GFRA1: variants seen among roughly 807,000 people sequenced by gnomAD.
The protein encoded by GFRA1 is GDNF family receptor alpha-1.
In GFRA1, 16 loss-of-function variants were observed where a neutral mutation model predicts 51.6. That is an observed-to-expected ratio of 0.31 (90% confidence interval 0.21 to 0.47). The LOEUF is 0.47. Among genes scored for constraint, GFRA1 ranks in the 20% least tolerant of loss-of-function variants. The probability of loss-of-function intolerance (pLI) is 1.00; values close to 1 mark genes in which losing one functional copy is unlikely to be tolerated. For synonymous variants in GFRA1, 270 were observed against 241.3 expected, an observed-to-expected ratio of 1.12 and a Z score of -1.10; for missense variants, 530 against 594.3, an observed-to-expected ratio of 0.89 and a Z score of 1.13.
chr10:116,221,116 T>G (rs1965894177), intron 4 of GFRA1, among the ~76,000 whole-genome samples: 1 of 152,168 alleles, frequency 6.6e-6, no homozygotes, highest in Non-Finnish European at 1.5e-5. Flanking sequence ...CAGGCACTAT[T>G]TTAAATACTT....
At position 116,090,634 on chromosome 10, in the gene GFRA1, T is replaced by C. The variant is rs1956295117; in HGVS notation, c.1016-712A>G. Among the ~76,000 whole-genome samples the C allele has an allele frequency of 2.6e-5, 4 of 152,262 alleles. No individual in the cohort carries two copies. The South Asian group carries it at 8.3e-4, about 32-fold the overall frequency. ...ATTTCATAGGATTAGATTGTTTTTA[T>C]GGCAAGATTAAATTGGTTGTGTGTT... On this transcript the variant is annotated intron_variant, in intron 8 of 10. Coordinates refer to ENST00000355422, the MANE Select transcript of GFRA1 (RefSeq NM_005264.8).
chr10:116,174,489 G>C (rs1293717339), intron 5 of GFRA1, among the ~76,000 whole-genome samples: 1 of 152,176 alleles, frequency 6.6e-6, no homozygotes, highest in Non-Finnish European at 1.5e-5. Context: ...AGACTTCAAT[G>C]TGTTGTTAGG....
At chr10:116,231,707 A>C (rs555441031) in intron 4 of GFRA1, among the ~76,000 whole-genome samples, 40 of 152,266 alleles carry the variant, frequency 2.6e-4, no homozygotes, top group Admixed American at 5.2e-4. Context: ...CCTTTTCCGG[A>C]TTCACCTGCT....
intron 5 of GFRA1, among the ~76,000 whole-genome samples, chr10:116,126,352 G>C (rs532751502): frequency 4.6e-4 from 70 of 152,252 alleles, no homozygotes; most frequent in Non-Finnish European, 7.1e-4. Context: ...CACCAGGGAA[G>C]CCAGTGCTGT....
chr10:116,072,272 C>T (rs144252611), intron 9 of GFRA1, among the ~76,000 whole-genome samples: 1 of 152,046 alleles, frequency 6.6e-6, no homozygotes, highest in African/African-American at 2.4e-5. Flanking sequence ...GAGTGAGGGG[C>T]ACTTGTGGGT....
chr10:116,121,699 A>C (rs189629285), intron 6 of GFRA1, among the ~76,000 whole-genome samples: 46 of 152,338 alleles, frequency 3.0e-4, no homozygotes, highest in Non-Finnish European at 5.9e-5. Flanking sequence ...CTTTCGAAGA[A>C]TATGGTTTTT....
At chr10:116,207,824 C>A (rs888138888) in intron 5 of GFRA1, among the ~76,000 whole-genome samples, 2 of 152,070 alleles carry the variant, frequency 1.3e-5, no homozygotes, top group Admixed American at 6.5e-5. Flanking sequence ...GAGCACTCAG[C>A]AGAGGTGAGC....
intron 5 of GFRA1, among the ~76,000 whole-genome samples, chr10:116,134,542 T>G (rs562437137): frequency 2.1e-4 from 32 of 152,356 alleles, no homozygotes; most frequent in African/African-American, 7.5e-4. Flanking sequence ...AAAAATTACA[T>G]TTAAAAAGCA....
intron 6 of GFRA1, among the ~76,000 whole-genome samples, chr10:116,122,017 A>G (rs1306709027): frequency 6.6e-6 from 1 of 152,208 alleles, no homozygotes; most frequent in Non-Finnish European, 1.5e-5. Context: ...GGGAGGGGGT[A>G]ATCATGAGTA....
At position 116,060,852 on chromosome 10, in the gene GFRA1, GAC is replaced by G. The variant is rs1243361785; in HGVS notation, c.*3544_*3545del. ...ATGAATGAAAACTTATTTTCCAAAA[GAC>G]AGCTCCTCTGAGGCCACAATTTTGT... On this transcript the variant is annotated 3_prime_UTR_variant, in exon 11 of 11. Coordinates refer to ENST00000355422, the MANE Select transcript of GFRA1 (RefSeq NM_005264.8). 1 of 152,140 alleles carries G rather than the reference GAC, an allele frequency of 6.6e-6. No homozygotes were observed. Among genetic ancestry groups the G allele is most frequent in the Non-Finnish European group, 1.5e-5 (1 of 68,032 alleles). The allele number at this position is 152,140 out of a possible 1,614,324, so 9.4% of individuals were successfully genotyped here. A position where few individuals can be genotyped will look rare whatever the true frequency, so the allele number is the denominator to read the frequency against.
At chr10:116,274,196 T>G (rs1473660802), upstream of GFRA1, among the ~76,000 whole-genome samples, 1 of 137,546 alleles carries the variant, frequency 7.3e-6, no homozygotes, top group Non-Finnish European at 1.6e-5. Context: ...ACGCTCCCCT[T>G]CCCGCACGCC....
intron 9 of GFRA1, among the ~76,000 whole-genome samples, chr10:116,069,943 C>T (rs1426465746): frequency 2.0e-5 from 3 of 152,170 alleles, no homozygotes; most frequent in Non-Finnish European, 4.4e-5. Context: ...GGCCTTGCTG[C>T]CCCAGGACTC....
At chr10:116,236,251 G>A (rs1966874042) in intron 4 of GFRA1, among the ~76,000 whole-genome samples, 1 of 152,068 alleles carries the variant, frequency 6.6e-6, no homozygotes, top group African/African-American at 2.4e-5. Context: ...CGCCAGCTTT[G>A]CTCTGCCCAA....
chr10:116,064,414 A>G lies in GFRA1; in HGVS notation c.1382T>C (p.Leu461Ser), dbSNP rs1954995643. The G allele has an allele frequency of 6.2e-7, 1 of 1,612,474 alleles. No homozygotes were observed. The highest frequency in any genetic ancestry group is 8.5e-7 in the Non-Finnish European group (1 of 1,179,744). The part of the protein sequence containing the change: ...VVTALSTLLS[L>S]TETS ...TTAATGCAGCTATGATGTTTCTGTT[A>G]AAGATAATAGGGTGGACAGAGCGGT... The change falls in exon 11 of 11, where the codon TTA becomes TCA. Residue 461 changes from leucine to serine, a missense_variant. Physicochemically the swap from Leu to Ser is moderately radical, Grantham distance 145 (BLOSUM62 -2). Coordinates refer to ENST00000355422, the MANE Select transcript of GFRA1 (RefSeq NM_005264.8).
intron 5 of GFRA1, among the ~76,000 whole-genome samples, chr10:116,190,411 G>A (rs1056833564): frequency 2.6e-5 from 4 of 152,132 alleles, no homozygotes; most frequent in African/African-American, 9.7e-5. Flanking sequence ...TCAAGAAGTC[G>A]GCCTTTATCC....
Position 116,126,655 on chromosome 10 carries a change from T to C in GFRA1, c.434-1098A>G, listed in dbSNP as rs901694434. Among the ~76,000 whole-genome samples the C allele has an allele frequency of 3.9e-5, 6 of 152,306 alleles. No individual in the cohort carries two copies. The East Asian group carries it at 1.2e-3, about 29-fold the overall frequency. On this transcript the variant is annotated intron_variant, in intron 5 of 10. Coordinates refer to ENST00000355422, the MANE Select transcript of GFRA1 (RefSeq NM_005264.8). ...TTCTCTGGAGCGGGCAGGGAGGTGT[T>C]GGACAAGCACTGCACAGCTGTGGGA...
intron 6 of GFRA1, among the ~76,000 whole-genome samples, chr10:116,107,484 C>T (rs771742888): frequency 5.3e-5 from 8 of 152,144 alleles, no homozygotes; most frequent in African/African-American, 7.2e-5. Context: ...AGCTTTATTC[C>T]CACCATTAAG....
chr10:116,150,505 A>G (rs1030651734), intron 5 of GFRA1, among the ~76,000 whole-genome samples: 2 of 152,176 alleles, frequency 1.3e-5, no homozygotes, highest in Admixed American at 6.5e-5. Flanking sequence ...ATGCCTTTCT[A>G]AGAACGGTTT....
intron 5 of GFRA1, among the ~76,000 whole-genome samples, chr10:116,145,373 T>C (rs1037516397): frequency 5.9e-5 from 9 of 152,092 alleles, no homozygotes; most frequent in Non-Finnish European, 1.3e-4. Flanking sequence ...CTTAAAAATA[T>C]GTTGCACTAA....
Sources: gnomAD v4.1 joint callset for allele counts (sites outside exome capture counted in the v4.1 genomes callset) on GRCh38, gnomAD v4.1.1 for gene constraint, MANE v1.5 for transcripts, NCBI Gene and HGNC (gene_info 2026-07-23, HGNC 2026-07-21) for gene names.